The following FOCAD variants were observed in gnomAD, a reference collection of about 807,000 sequenced individuals.
The protein encoded by FOCAD is KIAA1797.
FOCAD carries 198 observed loss-of-function variants against 225.6 expected under a neutral mutation model. The ratio of observed to expected loss-of-function variants is 0.88; its 90% CI spans 0.78 to 0.99. The LOEUF (loss-of-function observed/expected upper bound fraction) is 0.99, where lower values mean the gene tolerates loss of function less well. FOCAD is among the 50% of genes least tolerant of loss of function. FOCAD has a pLI of 0.00. For missense variants in FOCAD, 2,713 were observed against 2,123.6 expected, an observed-to-expected ratio of 1.28 and a Z score of -5.46; for synonymous variants, 897 against 755.0, an observed-to-expected ratio of 1.19 and a Z score of -3.08.
rs562680679 is a variant in FOCAD, at chr9:20,898,186, T to C, written c.2626-8964T>C. Among the ~76,000 whole-genome samples the C allele has an allele frequency of 3.9e-5, 6 of 152,012 alleles. No homozygotes were observed. The East Asian group carries it at 1.2e-3, about 29-fold the overall frequency. ...TAAAAAAATCATTGCTTTTATGTAGTTTAAATACAATATACAAATACCTAT... is the reference window on the plus strand; with the variant it reads ...TAAAAAAATCATTGCTTTTATGTAGCTTAAATACAATATACAAATACCTAT... On this transcript the variant is annotated intron_variant, in intron 21 of 43. Transcript: ENST00000338382.
Position 20,986,286 on chromosome 9 carries a change from A to G in FOCAD, c.4729-2A>G. The G allele has an allele frequency of 3.5e-6, 1 of 286,792 alleles. No homozygotes were observed. Among genetic ancestry groups the G allele is most frequent in the Non-Finnish European group, 4.8e-6 (1 of 210,412 alleles). The allele number at this position is 286,792 out of a possible 1,614,324, so 17.8% of individuals were successfully genotyped here. ...AAACAATTTTTTTTTTTTTTTTTGC[A>G]GAGCAACATAGAAAAAGCTGCCTTT... On this transcript the variant is annotated splice_acceptor_variant, in intron 39 of 43. Coordinates refer to ENST00000338382, the MANE Select transcript of FOCAD (RefSeq NM_001375567.1). LOFTEE classifies it high-confidence loss of function.
At chr9:20,887,515 A>G (rs1587509837) in intron 21 of FOCAD, among the ~76,000 whole-genome samples, 1 of 152,154 alleles carries the variant, frequency 6.6e-6, no homozygotes, top group Non-Finnish European at 1.5e-5. Context: ...GATTACAGGC[A>G]TGAGCCACTG....
At chr9:20,932,769 A>G (rs2132224549) in intron 27 of FOCAD, among the ~76,000 whole-genome samples, 1 of 152,252 alleles carries the variant, frequency 6.6e-6, no homozygotes, top group Middle Eastern at 3.4e-3. Context: ...CAAAAATAGG[A>G]GATTTTGTGT....
At chr9:20,681,012 C>T (rs772506911), upstream of FOCAD, among the ~76,000 whole-genome samples, 1 of 151,836 alleles carries the variant, frequency 6.6e-6, no homozygotes, top group Non-Finnish European at 1.5e-5. Context: ...CAAAACAAAG[C>T]CAAAAACAAA....
chr9:20,909,387 C>T (rs1173634555), intron 22 of FOCAD, among the ~76,000 whole-genome samples: 2 of 151,964 alleles, frequency 1.3e-5, no homozygotes, highest in African/African-American at 2.4e-5. Context: ...AGAGCCTTAG[C>T]GTTTTCCACT....
chr9:20,749,117 T>G (rs1380647637), intron 5 of FOCAD, among the ~76,000 whole-genome samples: 1 of 152,184 alleles, frequency 6.6e-6, no homozygotes, highest in Non-Finnish European at 1.5e-5. Context: ...AATTACTTTG[T>G]ACTTAAAATA....
intron 4 of FOCAD, among the ~76,000 whole-genome samples, chr9:20,736,869 A>T (rs1276789587): frequency 1.3e-5 from 2 of 152,012 alleles, no homozygotes; most frequent in Non-Finnish European, 2.9e-5. Context: ...GGTTTAAATA[A>T]ATATTAACCT....
intron 15 of FOCAD, among the ~76,000 whole-genome samples, chr9:20,854,751 T>C (rs1467139933): frequency 6.6e-6 from 1 of 151,722 alleles, no homozygotes; most frequent in Non-Finnish European, 1.5e-5. Context: ...AGCAGAACAT[T>C]CTGAGTCATT....
chr9:20,944,582 T>C (rs1836989974), intron 28 of FOCAD, 45 bp from the exon 29 acceptor site: 5 of 1,586,682 alleles, frequency 3.2e-6, no homozygotes, highest in African/African-American at 1.3e-5. Context: ...AGCAATTGTG[T>C]GGATTTCTTA....
intron 5 of FOCAD, among the ~76,000 whole-genome samples, chr9:20,746,212 C>A (rs1828021508): frequency 1.3e-5 from 2 of 152,128 alleles, no homozygotes; most frequent in African/African-American, 4.8e-5. Flanking sequence ...TGCATTTTCT[C>A]CTATTGTCTG....
intron 12 of FOCAD, 150 bp downstream of exon 12, chr9:20,820,050 G>A: frequency 1.9e-6 from 1 of 518,392 alleles, no homozygotes. Flanking sequence ...AAAGACAAAA[G>A]TATTTATTAC....
chr9:20,910,282 A>C (rs1015888846), intron 22 of FOCAD, among the ~76,000 whole-genome samples: 4 of 151,450 alleles, frequency 2.6e-5, no homozygotes, highest in African/African-American at 7.3e-5. Flanking sequence ...TGTGGAGGTT[A>C]AGGTCTCCAG....
At chr9:20,778,572 A>T (rs1819035479) in intron 8 of FOCAD, 109 bp from the exon 9 acceptor site, 1 of 604,828 alleles carries the variant, frequency 1.7e-6, no homozygotes, top group East Asian at 2.8e-5. Flanking sequence ...AATTTGTGTA[A>T]TAGGCTTGCA....
Position 20,938,813 on chromosome 9 carries a change from T to G in FOCAD, c.3407+5710T>G, listed in dbSNP as rs372083268. 1.8e-4 allele frequency among the ~76,000 whole-genome samples: 27 copies of G among 152,164 alleles called. 1 individual carries two copies. The South Asian group carries it at 5.6e-3, about 32-fold the overall frequency. ...TTCATTATATATTATGTACATGAAC[T>G]TTAGTCTACCATATTTATTACAAAT... On this transcript the variant is annotated intron_variant, in intron 28 of 43. Transcript: ENST00000338382.
At chr9:20,758,605 A>G (rs1829284427) in intron 6 of FOCAD, among the ~76,000 whole-genome samples, 1 of 148,040 alleles carries the variant, frequency 6.8e-6, no homozygotes, top group African/African-American at 2.5e-5. Flanking sequence ...TATAAGTGAG[A>G]CTATGCGGTG....
intron 15 of FOCAD, among the ~76,000 whole-genome samples, chr9:20,833,486 C>T (rs1281841185): frequency 6.6e-6 from 1 of 151,986 alleles, no homozygotes; most frequent in Non-Finnish European, 1.5e-5. Flanking sequence ...CTTGATAAGA[C>T]AGGAAGATCT....
chr9:20,683,590 C>G (rs1220065939), upstream of FOCAD: 4 of 152,080 alleles, frequency 2.6e-5, no homozygotes, highest in Admixed American at 2.6e-4. Flanking sequence ...GTAAGTATTG[C>G]GCAAAATCGT....
chr9:20,696,958 T>G (rs1823422502), intron 1 of FOCAD, among the ~76,000 whole-genome samples: 1 of 152,140 alleles, frequency 6.6e-6, no homozygotes, highest in African/African-American at 2.4e-5. Flanking sequence ...CTCTTTGCAC[T>G]TCCACCATGT....
chr9:20,971,599 C>G (rs1347539278), intron 35 of FOCAD, among the ~76,000 whole-genome samples: 3 of 151,826 alleles, frequency 2.0e-5, no homozygotes, highest in South Asian at 2.1e-4. Flanking sequence ...ACCACCATGC[C>G]CAGCTAATTT....
Sources: gnomAD v4.1 joint callset for allele counts (sites outside exome capture counted in the v4.1 genomes callset) on GRCh38, gnomAD v4.1.1 for gene constraint, MANE v1.5 for transcripts, NCBI Gene and HGNC (gene_info 2026-07-23, HGNC 2026-07-21) for gene names.